HINT3: variants seen among roughly 807,000 people sequenced by gnomAD.
HINT3 encodes adenosine 5'-monophosphoramidase HINT3.
A neutral mutation model predicts 19.1 loss-of-function variants in HINT3; 16 were observed. That is an observed-to-expected ratio of 0.84 (90% confidence interval 0.57 to 1.27). HINT3 has a LOEUF of 1.27. Ranked by LOEUF, HINT3 falls within the 50% of genes most tolerant of loss-of-function variation. The pLI is 0.00. For synonymous variants in HINT3, 75 were observed against 84.8 expected (o/e 0.88, Z 0.63); for missense variants, 197 against 225.8 (o/e 0.87, Z 0.82).
rs1788841178 is a variant in HINT3 at position 125,956,900 on chromosome 6, G to A, written c.-78G>A. 2 of 1,401,752 alleles carry A rather than the reference G, an allele frequency of 1.4e-6. No homozygotes were observed. Among genetic ancestry groups the A allele is most frequent in the Non-Finnish European group, 1.9e-6 (2 of 1,030,752 alleles). The allele number at this position is 1,401,752 out of a possible 1,614,324, so 86.8% of individuals were successfully genotyped here. The stretch of plus-strand genomic sequence containing the variant: ...GGCGACGTCTCGAGGTAAAACGGAG[G>A]AGGTGCGGGACGCGGAGACTGCGCG... On this transcript the variant is annotated 5_prime_UTR_variant, in exon 1 of 5. Transcript: ENST00000229633.
At chr6:125,962,863 A>G (rs941439070) in intron 1 of HINT3, among the ~76,000 whole-genome samples, 5 of 152,206 alleles carry the variant, frequency 3.3e-5, no homozygotes, top group Admixed American at 1.3e-4. Context: ...TATGAGGCAC[A>G]GATATACATA....
At chr6:125,957,329 G>A in intron 1 of HINT3, 151 bp downstream of exon 1, 2 of 826,424 alleles carry the variant, frequency 2.4e-6, no homozygotes, top group Non-Finnish European at 3.7e-6. Context: ...GATGGGGCTC[G>A]GGGAAGCTGG....
At chr6:125,962,289 CAT>C (rs750228860) in intron 1 of HINT3, among the ~76,000 whole-genome samples, 4,713 of 68,826 alleles carry the variant, frequency 0.068, 644 homozygotes, top group Middle Eastern at 0.15. Context: ...TATATATACA[CAT>C]ATATATATAT....
intron 1 of HINT3, among the ~76,000 whole-genome samples, chr6:125,960,212 A>G (rs963585682): frequency 6.6e-6 from 1 of 152,216 alleles, no homozygotes. Context: ...AGGACATTCA[A>G]TTTCAGGTCA....
chr6:125,965,717 A>G (rs777813482), intron 1 of HINT3, among the ~76,000 whole-genome samples: 3 of 152,278 alleles, frequency 2.0e-5, no homozygotes, highest in Middle Eastern at 3.4e-3. Context: ...GTGCCACTGC[A>G]TTCCAGCCTG....
Position 125,956,986 on chromosome 6 carries a change from G to A in HINT3, c.9G>A (p.Glu3=). Residue 3 remains glutamate, a synonymous_variant, in exon 1 of 5, where the codon GAG becomes GAA. Coordinates refer to ENST00000229633, the MANE Select transcript of HINT3 (RefSeq NM_138571.5). ...CGCGAGGGGCGGGTGCAATGGCGGA[G>A]GAACAGGTGAACCGCAGCGCCGGCC... The part of the protein sequence containing the change: MA[E]EQVNRSAGLA... 1.9e-6 allele frequency: 3 copies of A among 1,549,990 alleles called. No individual in the cohort carries two copies. The highest frequency in any genetic ancestry group is 2.6e-6 in the Non-Finnish European group (3 of 1,146,722).
chr6:125,976,142 A>G (rs1019084942), intron 4 of HINT3, among the ~76,000 whole-genome samples: 2 of 152,334 alleles, frequency 1.3e-5, no homozygotes, highest in South Asian at 2.1e-4. Flanking sequence ...TATTCTAGTC[A>G]TAGTACAGAA....
At chr6:125,962,167 T>TATATATATATACAC (rs1788936227) in intron 1 of HINT3, among the ~76,000 whole-genome samples, 1 of 10,238 alleles carries the variant, frequency 9.8e-5, no homozygotes, top group African/African-American at 1.4e-3. Flanking sequence ...TATACACATA[T>TATATATATATACAC]ATATATATAT....
intron 3 of HINT3, among the ~76,000 whole-genome samples, chr6:125,973,168 G>T (rs9388463): frequency 6.8e-6 from 1 of 146,928 alleles, no homozygotes; most frequent in African/African-American, 2.5e-5. Context: ...CTCTGCCTCC[G>T]GAGTTCAAGT....
At position 125,977,715 on chromosome 6, in the gene HINT3, G is replaced by A; in HGVS notation, c.*39G>A. The stretch of plus-strand genomic sequence containing the variant: ...GGAAGATTTTTCTAATCTTGGTTCA[G>A]CATGAAGTGGTATTTAGGTCCCTTT... On this transcript the variant is annotated 3_prime_UTR_variant, in exon 5 of 5. Transcript: ENST00000229633. The A allele has an allele frequency of 7.6e-7, 1 of 1,312,464 alleles. No individual in the cohort carries two copies. The highest frequency in any genetic ancestry group is 1.1e-6 in the Non-Finnish European group (1 of 952,198). The allele number at this position is 1,312,464 out of a possible 1,614,324, so 81.3% of individuals were successfully genotyped here.
Position 125,978,713 on chromosome 6 carries a change from G to A in HINT3, c.*1037G>A, listed in dbSNP as rs1789209522. On this transcript the variant is annotated 3_prime_UTR_variant, in exon 5 of 5. Transcript: ENST00000229633. Reference sequence around the variant, plus strand: ...ATGAATATGAATAAATGAACATGAGGATTAACGAACTGTTGAAAATAGGCT... The same window carrying A: ...ATGAATATGAATAAATGAACATGAGAATTAACGAACTGTTGAAAATAGGCT... The A allele has an allele frequency of 1.3e-5, 2 of 152,264 alleles. No homozygotes were observed. Among genetic ancestry groups the A allele is most frequent in the South Asian group, 4.1e-4 (2 of 4,824 alleles). The allele number at this position is 152,264 out of a possible 1,614,324, so 9.4% of individuals were successfully genotyped here.
chr6:125,961,692 C>T (rs1263664928), intron 1 of HINT3, among the ~76,000 whole-genome samples: 3 of 152,198 alleles, frequency 2.0e-5, no homozygotes, highest in African/African-American at 7.2e-5. Flanking sequence ...GGCGTGTCCT[C>T]TCCCAGGAGC....
intron 2 of HINT3, among the ~76,000 whole-genome samples, chr6:125,967,603 A>T (rs1789037891): frequency 6.6e-6 from 1 of 152,162 alleles, no homozygotes; most frequent in Non-Finnish European, 1.5e-5. Flanking sequence ...AAGTGCTGGG[A>T]TTACAGGTGT....
intron 1 of HINT3, 24 bp downstream of exon 1, chr6:125,957,202 G>A (rs764958939): frequency 1.3e-6 from 2 of 1,536,556 alleles, no homozygotes; most frequent in East Asian, 2.5e-5. Context: ...CGCGGCCGGG[G>A]GTGGGTGAGG....
intron 4 of HINT3, among the ~76,000 whole-genome samples, chr6:125,977,220 C>T (rs1789191846): frequency 6.6e-6 from 1 of 152,160 alleles, no homozygotes; most frequent in African/African-American, 2.4e-5. Context: ...CTATTCATCC[C>T]TCTTTCCCCT....
At chr6:125,976,503 G>T (rs1323777604) in intron 4 of HINT3, among the ~76,000 whole-genome samples, 1 of 148,248 alleles carries the variant, frequency 6.7e-6, no homozygotes, top group Admixed American at 6.7e-5. Context: ...TATTCTGCCG[G>T]ACAGCTGGTT....
chr6:125,977,864 C>T lies in HINT3; in HGVS notation c.*188C>T. 1 of 404,952 alleles carries T rather than the reference C, an allele frequency of 2.5e-6. No homozygotes were observed. The highest frequency in any genetic ancestry group is 7.8e-5 in the South Asian group (1 of 12,788). The allele number at this position is 404,952 out of a possible 1,614,324, so 25.1% of individuals were successfully genotyped here. A position where few individuals can be genotyped will look rare whatever the true frequency, so the allele number is the denominator to read the frequency against. On this transcript the variant is annotated 3_prime_UTR_variant, in exon 5 of 5. Coordinates refer to ENST00000229633, the MANE Select transcript of HINT3 (RefSeq NM_138571.5). ...ATACAGTTATGTGAATATTTTGTTACTGACTTGTTTCAATGGTTACTTGTA... is the reference window on the plus strand; with the variant it reads ...ATACAGTTATGTGAATATTTTGTTATTGACTTGTTTCAATGGTTACTTGTA...
chr6:125,973,298 C>T (rs1055642210), intron 3 of HINT3, among the ~76,000 whole-genome samples: 42 of 151,952 alleles, frequency 2.8e-4, no homozygotes, highest in Non-Finnish European at 4.9e-4. Flanking sequence ...AGGCTGGTCT[C>T]GAACTCCTGA....
intron 1 of HINT3, among the ~76,000 whole-genome samples, chr6:125,964,488 T>C: frequency 6.6e-6 from 1 of 152,196 alleles, no homozygotes; most frequent in East Asian, 1.9e-4. Context: ...TGTATTCTTC[T>C]TTCTTACACA....
Sources: allele counts gnomAD v4.1 joint callset (sites outside exome capture counted in the v4.1 genomes callset), GRCh38; gene constraint gnomAD v4.1.1; transcripts MANE v1.5; gene names NCBI Gene and HGNC (gene_info 2026-07-23, HGNC 2026-07-21).